CCDC91: variants seen among roughly 807,000 people sequenced by gnomAD.
The protein encoded by CCDC91 is coiled-coil domain-containing protein 91.
CCDC91 carries 48 observed loss-of-function variants against 63.2 expected under a neutral mutation model. The ratio of observed to expected loss-of-function variants is 0.76; its 90% CI spans 0.60 to 0.97. The LOEUF (loss-of-function observed/expected upper bound fraction) is 0.97. Among genes scored for constraint, CCDC91 ranks in the 50% least tolerant of loss-of-function variants. The pLI is 0.00. For missense variants in CCDC91, 500 were observed against 494.6 expected, an observed-to-expected ratio of 1.01 and a Z score of -0.10; for synonymous variants, 167 against 165.8, an observed-to-expected ratio of 1.01 and a Z score of -0.06.
At chr12:28,242,979 C>T (rs1181499500) in intron 1 of CCDC91, among the ~76,000 whole-genome samples, 1 of 152,000 alleles carries the variant, frequency 6.6e-6, no homozygotes, top group African/African-American at 2.4e-5. Context: ...TGAGGCTTCC[C>T]CAGAAGGCAA....
chr12:28,484,406 A>AT (rs1951611255), intron 12 of CCDC91, among the ~76,000 whole-genome samples: 1 of 152,180 alleles, frequency 6.6e-6, no homozygotes, highest in Non-Finnish European at 1.5e-5. Flanking sequence ...GAAATAACCT[A>AT]TATCATTTCC....
intron 11 of CCDC91, among the ~76,000 whole-genome samples, chr12:28,470,586 A>G (rs986950268): frequency 1.3e-5 from 2 of 152,190 alleles, no homozygotes; most frequent in African/African-American, 4.8e-5. Context: ...ACTCCTGGAT[A>G]TATACCTAAA....
chr12:28,393,628 G>A (rs1339030102), intron 8 of CCDC91, among the ~76,000 whole-genome samples: 1 of 152,160 alleles, frequency 6.6e-6, no homozygotes, highest in South Asian at 2.1e-4. Context: ...AATAGTGAGT[G>A]TGGCTAACAT....
In CCDC91 at chr12:28,268,907, C is replaced by T. The variant is rs558812246; in HGVS notation, c.109+9465C>T. Among the ~76,000 whole-genome samples, 14 of 152,194 alleles carry T rather than the reference C, an allele frequency of 9.2e-5. 1 individual carries two copies. In the East Asian group the frequency reaches 2.7e-3, roughly 29 times the overall value. ...ATCACTCACTTCCTCCCTCCCTTTA[C>T]CCCTGAGATTCTTGTATTGGACTCT... On this transcript the variant is annotated intron_variant, in intron 3 of 12. Transcript: ENST00000536442.
At chr12:28,215,449 C>G (rs927398303) in intron 1 of CCDC91, among the ~76,000 whole-genome samples, 2 of 152,066 alleles carry the variant, frequency 1.3e-5, no homozygotes, top group Non-Finnish European at 2.9e-5. Flanking sequence ...TGATTATTTC[C>G]TCTTCCAGTA....
intron 2 of CCDC91, 80 bp downstream of exon 2, chr12:28,257,325 T>TTTCA (rs1946522089): frequency 2.4e-6 from 2 of 834,682 alleles, no homozygotes; most frequent in African/African-American, 3.4e-5. Context: ...ATGTATTATA[T>TTTCA]TTCATTGGCA....
intron 11 of CCDC91, among the ~76,000 whole-genome samples, chr12:28,456,076 G>A (rs1950044514): frequency 6.6e-6 from 1 of 152,078 alleles, no homozygotes; most frequent in Non-Finnish European, 1.5e-5. Context: ...ATCATTTAGT[G>A]TTTGAAATGA....
intron 1 of CCDC91, among the ~76,000 whole-genome samples, chr12:28,251,062 G>C (rs1946090660): frequency 6.6e-6 from 1 of 151,482 alleles, no homozygotes; most frequent in Admixed American, 6.6e-5. Context: ...TGTCTCTGTT[G>C]CTTCTAGGAA....
intron 12 of CCDC91, among the ~76,000 whole-genome samples, chr12:28,496,967 A>G (rs1239873996): frequency 6.8e-6 from 1 of 146,038 alleles, no homozygotes; most frequent in Non-Finnish European, 1.5e-5. Context: ...TATATGTAGG[A>G]TTTTTTGTAA....
At chr12:28,496,524 T>C (rs750119936) in intron 12 of CCDC91, among the ~76,000 whole-genome samples, 5 of 151,532 alleles carry the variant, frequency 3.3e-5, no homozygotes, top group Non-Finnish European at 7.4e-5. Context: ...TCAGAAAACA[T>C]TACAAATGGC....
At chr12:28,410,948 T>C (rs4930821) in intron 8 of CCDC91, among the ~76,000 whole-genome samples, 61,227 of 151,932 alleles carry the variant, frequency 0.4, 12,591 homozygotes, top group Middle Eastern at 0.48. Context: ...GTTTTTTTGC[T>C]TCCTTTTAAA....
At chr12:28,241,233 A>G (rs556076805) in intron 1 of CCDC91, among the ~76,000 whole-genome samples, 1 of 152,308 alleles carries the variant, frequency 6.6e-6, no homozygotes, top group African/African-American at 2.4e-5. Flanking sequence ...ATTGAAAAGA[A>G]CATGCTTTCT....
intron 11 of CCDC91, among the ~76,000 whole-genome samples, chr12:28,472,038 A>AC (rs1950846225): frequency 6.6e-6 from 1 of 152,214 alleles, no homozygotes; most frequent in South Asian, 2.1e-4. Flanking sequence ...GGCATGAGCC[A>AC]CCACGCCCGG....
chr12:28,443,903 C>G (rs558090140), intron 8 of CCDC91, among the ~76,000 whole-genome samples: 56 of 152,282 alleles, frequency 3.7e-4, no homozygotes, highest in African/African-American at 1.3e-3. Flanking sequence ...ATAAAACTTG[C>G]TAAACGCAAA....
At chr12:28,544,838 A>G (rs1437604441) in intron 12 of CCDC91, among the ~76,000 whole-genome samples, 1 of 152,030 alleles carries the variant, frequency 6.6e-6, no homozygotes, top group Non-Finnish European at 1.5e-5. Context: ...TTTTTCTTTT[A>G]CTTTTGCAAT....
intron 8 of CCDC91, among the ~76,000 whole-genome samples, chr12:28,432,616 AAAC>A (rs1948690001): frequency 2.0e-5 from 3 of 152,224 alleles, no homozygotes; most frequent in Admixed American, 6.6e-5. Flanking sequence ...AGCAGTGTAA[AAAC>A]AAAGTAATAC....
chr12:28,509,056 G>A (rs1939070984), intron 12 of CCDC91, among the ~76,000 whole-genome samples: 1 of 151,922 alleles, frequency 6.6e-6, no homozygotes, highest in Admixed American at 6.6e-5. Context: ...TGCCATAGCA[G>A]TTATGGCATT....
chr12:28,354,959 T>C (rs898912962), intron 6 of CCDC91, among the ~76,000 whole-genome samples: 1 of 152,130 alleles, frequency 6.6e-6, no homozygotes, highest in Non-Finnish European at 1.5e-5. Flanking sequence ...GCAAAGCTGG[T>C]CTTAGGATTG....
chr12:28,434,831 T>G (rs1020939390), intron 8 of CCDC91, among the ~76,000 whole-genome samples: 1 of 151,696 alleles, frequency 6.6e-6, no homozygotes, highest in Non-Finnish European at 1.5e-5. Context: ...CCTGTCCATG[T>G]TATCTATTTC....
Sources: allele counts gnomAD v4.1 joint callset (sites outside exome capture counted in the v4.1 genomes callset), GRCh38; gene constraint gnomAD v4.1.1; transcripts MANE v1.5; gene names NCBI Gene and HGNC (gene_info 2026-07-23, HGNC 2026-07-21).